Variants in PTPRD observed in about 807,000 individuals in gnomAD.
PTPRD encodes the protein protein tyrosine phosphatase receptor type D.
Under a neutral mutation model 214.5 loss-of-function variants are expected in PTPRD, and 34 were observed. That is an observed-to-expected ratio of 0.16 (90% CI 0.12 to 0.21). PTPRD has a LOEUF of 0.21. Among genes scored for constraint, PTPRD ranks in the 10% least tolerant of loss-of-function variants. The pLI, the probability that PTPRD is intolerant of heterozygous loss-of-function variation, is 1.00. For synonymous variants in PTPRD, 1,128 were observed against 845.7 expected (o/e 1.33, Z -5.79); for missense variants, 2,545 against 2,398.7 (o/e 1.06, Z -1.27).
chr9:9,186,560 G>C (rs552252428), intron 9 of PTPRD, among the ~76,000 whole-genome samples: 7 of 151,676 alleles, frequency 4.6e-5, no homozygotes, highest in Admixed American at 3.3e-4. Context: ...GTAGTGAGCT[G>C]TAATGGTACC....
intron 39 of PTPRD, among the ~76,000 whole-genome samples, chr9:8,370,321 A>T (rs2081167198): frequency 6.6e-6 from 1 of 152,006 alleles, no homozygotes; most frequent in Non-Finnish European, 1.5e-5. Context: ...AGTATAAGGG[A>T]CTAGGTGGTC....
At chr9:9,263,211 T>C (rs1047236635) in intron 9 of PTPRD, among the ~76,000 whole-genome samples, 2 of 151,708 alleles carry the variant, frequency 1.3e-5, no homozygotes, top group Admixed American at 1.3e-4. Flanking sequence ...TTATTAGGAT[T>C]TGACTCTTTT....
intron 9 of PTPRD, among the ~76,000 whole-genome samples, chr9:9,217,948 T>G (rs2099953374): frequency 6.6e-6 from 1 of 152,154 alleles, no homozygotes; most frequent in Non-Finnish European, 1.5e-5. Context: ...TAGTTCTGTC[T>G]TCATGTTGCT....
At chr9:10,461,088 G>C (rs373208250) in intron 2 of PTPRD, among the ~76,000 whole-genome samples, 4 of 151,756 alleles carry the variant, frequency 2.6e-5, no homozygotes, top group Non-Finnish European at 4.4e-5. Context: ...CAAAAGACTC[G>C]AATAGACATT....
intron 3 of PTPRD, among the ~76,000 whole-genome samples, chr9:10,211,248 C>A (rs897015466): frequency 6.6e-6 from 1 of 151,832 alleles, no homozygotes; most frequent in Non-Finnish European, 1.5e-5. Context: ...GATTTAAGTG[C>A]CTGAAGAGCA....
chr9:9,431,110 A>T (rs1416528977), intron 8 of PTPRD, among the ~76,000 whole-genome samples: 1 of 152,358 alleles, frequency 6.6e-6, no homozygotes, highest in Admixed American at 6.5e-5. Context: ...ATCAGAGTGA[A>T]CAGGCAACCT....
chr9:8,812,780 T>G (rs1243573321), intron 11 of PTPRD, among the ~76,000 whole-genome samples: 1 of 151,646 alleles, frequency 6.6e-6, no homozygotes, highest in Non-Finnish European at 1.5e-5. Flanking sequence ...TTAAAGACAG[T>G]AATGATCTTG....
intron 7 of PTPRD, among the ~76,000 whole-genome samples, chr9:9,629,583 C>T (rs1385547945): frequency 6.6e-6 from 1 of 152,116 alleles, no homozygotes; most frequent in Non-Finnish European, 1.5e-5. Flanking sequence ...CCCACCAGCC[C>T]TGAGGGACAG....
chr9:10,331,906 G>A (rs1299837985), intron 3 of PTPRD, among the ~76,000 whole-genome samples: 2 of 151,828 alleles, frequency 1.3e-5, no homozygotes, highest in Middle Eastern at 3.4e-3. Flanking sequence ...AAATCATCTA[G>A]GAAATATTTA....
At chr9:9,959,857 T>C (rs1221970782) in intron 4 of PTPRD, among the ~76,000 whole-genome samples, 1 of 152,044 alleles carries the variant, frequency 6.6e-6, no homozygotes, top group Non-Finnish European at 1.5e-5. Context: ...TGGATTAGAG[T>C]TGTAGACATT....
At chr9:8,710,847 T>G (rs2098318339) in intron 12 of PTPRD, among the ~76,000 whole-genome samples, 1 of 152,170 alleles carries the variant, frequency 6.6e-6, no homozygotes, top group Non-Finnish European at 1.5e-5. Context: ...CACAGAATTA[T>G]TCTCAGGATC....
rs138441636 is a variant in PTPRD at position 9,976,455 on chromosome 9, C to T, written c.-471-37845G>A. On this transcript the variant is annotated intron_variant, in intron 4 of 45. Coordinates refer to ENST00000381196, the MANE Select transcript of PTPRD (RefSeq NM_002839.4). ...AGGCAGGATTGCAGTGGCATGATCT[C>T]GGCTCACTGCAACCTTTGCCTCCTG... Among the ~76,000 whole-genome samples the T allele has an allele frequency of 8.2e-3, 1,244 of 151,816 alleles. 16 individuals carry two copies. The highest frequency in any genetic ancestry group is 0.028 in the African/African-American group (1,155 of 41,352).
Position 8,517,829 on chromosome 9 carries a change from C to A in PTPRD, c.1543+19G>T, listed in dbSNP as rs2138443908. On this transcript the variant is annotated intron_variant, in intron 21 of 45. Transcript: ENST00000381196. ...CAGCCCTTCCCTCCTGCCCTATTTC[C>A]CTCCTCAACCAAACTTACCTCCTGT... 1 of 1,599,578 alleles carries A rather than the reference C, an allele frequency of 6.3e-7. No individual in the cohort carries two copies. Among genetic ancestry groups the A allele is most frequent in the Non-Finnish European group, 8.5e-7 (1 of 1,171,266 alleles).
chr9:8,547,544 G>C (rs2080573281), intron 14 of PTPRD, among the ~76,000 whole-genome samples: 1 of 151,464 alleles, frequency 6.6e-6, no homozygotes, highest in Non-Finnish European at 1.5e-5. Context: ...TCTCGGGGCT[G>C]AGGCAAGAAA....
chr9:8,494,577 C>G (rs568395818), intron 26 of PTPRD, among the ~76,000 whole-genome samples: 1 of 152,302 alleles, frequency 6.6e-6, no homozygotes, highest in South Asian at 2.1e-4. Flanking sequence ...TGCTGAAAAG[C>G]AGTCATGGCT....
intron 23 of PTPRD, 98 bp downstream of exon 23, chr9:8,504,163 A>G: frequency 1.7e-6 from 2 of 1,208,482 alleles, no homozygotes; most frequent in Non-Finnish European, 2.4e-6. Flanking sequence ...ACTAACTATT[A>G]AGCATATTAG....
chr9:10,491,273 G>A (rs2040129770), intron 2 of PTPRD, among the ~76,000 whole-genome samples: 1 of 152,040 alleles, frequency 6.6e-6, no homozygotes, highest in African/African-American at 2.4e-5. Context: ...TATAATTTCT[G>A]AAATTTAATG....
At chr9:10,526,819 G>C (rs1333667157) in intron 2 of PTPRD, among the ~76,000 whole-genome samples, 3 of 152,088 alleles carry the variant, frequency 2.0e-5, no homozygotes, top group South Asian at 2.1e-4. Context: ...CTCAATGAGA[G>C]AATTGCCAAG....
intron 4 of PTPRD, among the ~76,000 whole-genome samples, chr9:9,946,473 C>T (rs2092570729): frequency 6.6e-6 from 1 of 152,110 alleles, no homozygotes; most frequent in South Asian, 2.1e-4. Flanking sequence ...GCAAAATAAA[C>T]TTACAGAAAG....
Sources: gnomAD v4.1 joint callset for allele counts (sites outside exome capture counted in the v4.1 genomes callset) on GRCh38, gnomAD v4.1.1 for gene constraint, MANE v1.5 for transcripts, NCBI Gene and HGNC (gene_info 2026-07-23, HGNC 2026-07-21) for gene names.